Variants in NSMCE2 observed in about 807,000 individuals in gnomAD.
The protein encoded by NSMCE2 is E3 SUMO-protein ligase NSE2.
Under a neutral mutation model 23.8 loss-of-function variants are expected in NSMCE2, and 24 were observed. That is an observed-to-expected ratio of 1.01 (90% CI 0.73 to 1.42). The LOEUF (loss-of-function observed/expected upper bound fraction) is 1.42, where lower values mean the gene tolerates loss of function less well. Ranked by LOEUF, NSMCE2 falls within the 40% of genes most tolerant of loss-of-function variation. The pLI is 0.00. For missense variants in NSMCE2, 284 were observed against 296.5 expected, an observed-to-expected ratio of 0.96 and a Z score of 0.31; for synonymous variants, 92 against 94.1, an observed-to-expected ratio of 0.98 and a Z score of 0.13.
At chr8:125,238,813 T>G (rs1278892075) in intron 5 of NSMCE2, among the ~76,000 whole-genome samples, 3 of 152,242 alleles carry the variant, frequency 2.0e-5, no homozygotes, top group Non-Finnish European at 4.4e-5. Flanking sequence ...TTCTTAATTG[T>G]TCTAACAGTC....
chr8:125,228,805 C>T (rs1270197239), intron 5 of NSMCE2, among the ~76,000 whole-genome samples: 1 of 152,158 alleles, frequency 6.6e-6, no homozygotes, highest in Non-Finnish European at 1.5e-5. Flanking sequence ...AGCTCCTTCT[C>T]ATAAGTAGCT....
At chr8:125,171,978 G>T (rs1159540800) in intron 4 of NSMCE2, among the ~76,000 whole-genome samples, 1 of 152,138 alleles carries the variant, frequency 6.6e-6, no homozygotes, top group East Asian at 1.9e-4. Flanking sequence ...AATTAATTTA[G>T]ATTTTAATGA....
At chr8:125,307,488 C>T (rs534508612) in intron 5 of NSMCE2, among the ~76,000 whole-genome samples, 10 of 152,352 alleles carry the variant, frequency 6.6e-5, no homozygotes, top group African/African-American at 2.4e-4. Flanking sequence ...CTAGTTGATA[C>T]ATCTCCTGAG....
intron 5 of NSMCE2, among the ~76,000 whole-genome samples, chr8:125,287,547 C>A (rs1827948727): frequency 6.6e-6 from 1 of 152,164 alleles, no homozygotes; most frequent in Admixed American, 6.5e-5. Flanking sequence ...ACTTTCTCCT[C>A]CAGGACCTTG....
chr8:125,205,517 G>A (rs900201228), intron 5 of NSMCE2, among the ~76,000 whole-genome samples: 3 of 152,084 alleles, frequency 2.0e-5, no homozygotes, highest in Non-Finnish European at 4.4e-5. Flanking sequence ...GAGACACACT[G>A]ACTGAAACAC....
chr8:125,146,562 A>G (rs1820683561), intron 3 of NSMCE2, among the ~76,000 whole-genome samples: 1 of 152,198 alleles, frequency 6.6e-6, no homozygotes, highest in Non-Finnish European at 1.5e-5. Flanking sequence ...AATACTATGC[A>G]GCCATAAAAA....
intron 3 of NSMCE2, among the ~76,000 whole-genome samples, chr8:125,142,784 A>G (rs1820449235): frequency 7.0e-6 from 1 of 141,972 alleles, no homozygotes. Context: ...TTGTATTTTT[A>G]GTAGAGACGG....
At chr8:125,170,366 C>A (rs1822118418) in intron 4 of NSMCE2, among the ~76,000 whole-genome samples, 1 of 107,628 alleles carries the variant, frequency 9.3e-6, no homozygotes, top group Non-Finnish European at 1.8e-5. Flanking sequence ...ATAAACCTTA[C>A]TCTTTATTTC....
chr8:125,099,306 G>C (rs1356324257), intron 1 of NSMCE2, among the ~76,000 whole-genome samples: 1 of 152,088 alleles, frequency 6.6e-6, no homozygotes, highest in Admixed American at 6.5e-5. Context: ...GATGGCCAGG[G>C]AAGGCCTTAC....
At chr8:125,183,183 A>G (rs1822911053) in intron 5 of NSMCE2, among the ~76,000 whole-genome samples, 1 of 152,196 alleles carries the variant, frequency 6.6e-6, no homozygotes, top group African/African-American at 2.4e-5. Context: ...TATGTGCTTA[A>G]TGTAGGGATT....
At chr8:125,227,671 T>G (rs1825154268) in intron 5 of NSMCE2, among the ~76,000 whole-genome samples, 1 of 152,226 alleles carries the variant, frequency 6.6e-6, no homozygotes, top group African/African-American at 2.4e-5. Flanking sequence ...AGAATTCCTT[T>G]ATATTCAATC....
intron 5 of NSMCE2, among the ~76,000 whole-genome samples, chr8:125,297,434 C>A (rs140755958): frequency 6.6e-6 from 1 of 152,274 alleles, no homozygotes; most frequent in East Asian, 1.9e-4. Flanking sequence ...TCAAATAGTT[C>A]TAAATGGGGG....
rs530681846 is a variant in NSMCE2, at chr8:125,120,088, A to C, written c.157+17601A>C. ...TTAACATATAATCAATATGAAAGTTACTAATATTATTTTGACTTTTTTGAT... is the reference window on the plus strand; with the variant it reads ...TTAACATATAATCAATATGAAAGTTCCTAATATTATTTTGACTTTTTTGAT... On this transcript the variant is annotated intron_variant, in intron 3 of 7. Transcript: ENST00000287437. Among the ~76,000 whole-genome samples, 15 of 152,330 alleles carry C rather than the reference A, an allele frequency of 9.8e-5. 1 individual carries two copies. In the South Asian group the frequency reaches 2.5e-3, roughly 25 times the overall value.
At chr8:125,187,370 C>T (rs950637222) in intron 5 of NSMCE2, among the ~76,000 whole-genome samples, 4 of 152,174 alleles carry the variant, frequency 2.6e-5, no homozygotes, top group African/African-American at 9.7e-5. Flanking sequence ...TTCTCACTAG[C>T]CCAAGTTGTG....
At chr8:125,295,205 T>C (rs976480417) in intron 5 of NSMCE2, among the ~76,000 whole-genome samples, 3 of 152,174 alleles carry the variant, frequency 2.0e-5, no homozygotes, top group East Asian at 1.9e-4. Context: ...TAGACTATTT[T>C]CTAAACCAGT....
chr8:125,303,611 A>T (rs1828646515), intron 5 of NSMCE2, among the ~76,000 whole-genome samples: 1 of 152,186 alleles, frequency 6.6e-6, no homozygotes, highest in South Asian at 2.1e-4. Context: ...GGTAATTTAT[A>T]AGTACTTACA....
chr8:125,339,210 C>T (rs1055591370), intron 5 of NSMCE2, among the ~76,000 whole-genome samples: 3 of 152,132 alleles, frequency 2.0e-5, no homozygotes, highest in Non-Finnish European at 4.4e-5. Flanking sequence ...TCTCCAAATG[C>T]ACCTGGTCTC....
At chr8:125,139,226 G>A (rs1001414044) in intron 3 of NSMCE2, among the ~76,000 whole-genome samples, 1 of 152,208 alleles carries the variant, frequency 6.6e-6, no homozygotes, top group African/African-American at 2.4e-5. Flanking sequence ...TTTGAGAGAA[G>A]ATACAGTGTT....
chr8:125,207,720 C>T (rs573897039), intron 5 of NSMCE2, among the ~76,000 whole-genome samples: 2 of 152,292 alleles, frequency 1.3e-5, no homozygotes, highest in East Asian at 3.9e-4. Flanking sequence ...AGTCTTCTGC[C>T]GGTTAGGAGG....
Sources: allele counts gnomAD v4.1 joint callset (sites outside exome capture counted in the v4.1 genomes callset), GRCh38; gene constraint gnomAD v4.1.1; transcripts MANE v1.5; gene names NCBI Gene and HGNC (gene_info 2026-07-23, HGNC 2026-07-21).